Variants in SEMA6D observed in about 807,000 individuals in gnomAD.
SEMA6D encodes semaphorin-6D.
In SEMA6D, 35 loss-of-function variants were observed where a neutral mutation model predicts 106.6. The observed-to-expected ratio is 0.33, with a 90% CI of 0.25 to 0.44. The LOEUF is 0.44. SEMA6D is among the 20% of genes least tolerant of loss of function. The pLI, the probability that SEMA6D is intolerant of heterozygous loss-of-function variation, is 1.00. For missense variants in SEMA6D, 1,185 were observed against 1,345.9 expected, an observed-to-expected ratio of 0.88 and a Z score of 1.87; for synonymous variants, 499 against 487.7, an observed-to-expected ratio of 1.02 and a Z score of -0.31.
chr15:47,630,450 C>CTG (rs1313568914), intron 4 of SEMA6D, among the ~76,000 whole-genome samples: 1 of 151,756 alleles, frequency 6.6e-6, no homozygotes, highest in Non-Finnish European at 1.5e-5. Context: ...TTTTTGTGTC[C>CTG]TGTGACCTTG....
At chr15:47,712,163 A>G (rs74011223) in intron 4 of SEMA6D, among the ~76,000 whole-genome samples, 29,154 of 152,006 alleles carry the variant, frequency 0.19, 2,961 homozygotes, top group Non-Finnish European at 0.23. Context: ...ATGTCCTTAC[A>G]CTGGATTTTA....
At chr15:47,241,258 C>T (rs748999279) in intron 1 of SEMA6D, 4 of 152,068 alleles carry the variant, frequency 2.6e-5, no homozygotes, top group Non-Finnish European at 2.9e-5. Context: ...GTAAGAACCA[C>T]GGAGTGTTAA....
intron 3 of SEMA6D, among the ~76,000 whole-genome samples, chr15:47,502,481 GGAAA>G (rs1375654246): frequency 2.6e-5 from 4 of 152,146 alleles, no homozygotes; most frequent in South Asian, 2.1e-4. Flanking sequence ...GCCACCACAT[GGAAA>G]GAAAGAAAGA....
intron 3 of SEMA6D, among the ~76,000 whole-genome samples, chr15:47,520,385 A>G (rs2044533662): frequency 6.6e-6 from 1 of 152,170 alleles, no homozygotes; most frequent in East Asian, 1.9e-4. Flanking sequence ...CTGTGACACA[A>G]AGTAGTGGTC....
At chr15:47,727,905 A>G (rs1383600918) in intron 1 of SEMA6D, among the ~76,000 whole-genome samples, 1 of 152,224 alleles carries the variant, frequency 6.6e-6, no homozygotes, top group Admixed American at 6.5e-5. Flanking sequence ...GCTTTGCACA[A>G]TTGACTAGAT....
intron 1 of SEMA6D, among the ~76,000 whole-genome samples, chr15:47,381,641 A>C (rs139418645): frequency 2.0e-5 from 3 of 152,310 alleles, no homozygotes; most frequent in Non-Finnish European, 2.9e-5. Context: ...CAATGAAAAT[A>C]TTTTTTAGCA....
At chr15:47,328,145 A>C (rs935355125) in intron 1 of SEMA6D, among the ~76,000 whole-genome samples, 2 of 152,220 alleles carry the variant, frequency 1.3e-5, no homozygotes, top group African/African-American at 4.8e-5. Flanking sequence ...CTGGTAATTC[A>C]GGCACAAAGA....
At chr15:47,420,010 G>A (rs779038284) in intron 2 of SEMA6D, among the ~76,000 whole-genome samples, 1 of 152,108 alleles carries the variant, frequency 6.6e-6, no homozygotes, top group South Asian at 2.1e-4. Context: ...CAAGTTTTGG[G>A]GGTGAGACGG....
chr15:47,705,235 G>GA (rs1463410355), intron 4 of SEMA6D, among the ~76,000 whole-genome samples: 1 of 152,132 alleles, frequency 6.6e-6, no homozygotes, highest in Non-Finnish European at 1.5e-5. Flanking sequence ...ATGGAGAAGG[G>GA]AGGCAGATCA....
Position 47,771,943 on chromosome 15 carries a change from C to G in SEMA6D, c.*158C>G. The G allele has an allele frequency of 1.4e-6, 1 of 690,998 alleles. No homozygotes were observed. The allele number at this position is 690,998 out of a possible 1,614,324, so 42.8% of individuals were successfully genotyped here. On this transcript the variant is annotated 3_prime_UTR_variant, in exon 19 of 19. Coordinates refer to ENST00000536845, the MANE Select transcript of SEMA6D (RefSeq NM_001358351.3). The stretch of plus-strand genomic sequence containing the variant: ...ACTTTGGCAACATCAGAACTTGCCA[C>G]ATGTAGCTACTGCAGCAAGGCTTCT...
intron 1 of SEMA6D, among the ~76,000 whole-genome samples, chr15:47,725,524 G>A (rs977195024): frequency 3.3e-5 from 5 of 151,950 alleles, no homozygotes; most frequent in African/African-American, 7.3e-5. Context: ...TGCCACTAAC[G>A]GTCCCCAGTC....
At chr15:47,615,629 G>A (rs939878372) in intron 4 of SEMA6D, among the ~76,000 whole-genome samples, 11 of 152,148 alleles carry the variant, frequency 7.2e-5, no homozygotes, top group African/African-American at 2.7e-4. Context: ...GAATACCCAA[G>A]GGTCACGAAT....
intron 1 of SEMA6D, among the ~76,000 whole-genome samples, chr15:47,331,603 A>T (rs1444882242): frequency 6.6e-6 from 1 of 152,040 alleles, no homozygotes; most frequent in Non-Finnish European, 1.5e-5. Context: ...GTGGGTGTGG[A>T]GACAGAATTA....
intron 3 of SEMA6D, among the ~76,000 whole-genome samples, chr15:47,484,934 A>G (rs964778428): frequency 6.6e-6 from 1 of 152,206 alleles, no homozygotes; most frequent in Non-Finnish European, 1.5e-5. Context: ...ATTCTAGTTG[A>G]TTGATTTGAA....
At chr15:47,249,298 G>T (rs2033376541) in intron 1 of SEMA6D, among the ~76,000 whole-genome samples, 1 of 152,096 alleles carries the variant, frequency 6.6e-6, no homozygotes, top group South Asian at 2.1e-4. Flanking sequence ...CTTATAGTTG[G>T]CATGCATCAT....
chr15:47,193,337 C>T (rs1240971761), intron 1 of SEMA6D, among the ~76,000 whole-genome samples: 2 of 152,178 alleles, frequency 1.3e-5, no homozygotes, highest in African/African-American at 4.8e-5. Flanking sequence ...TGAGCACAGA[C>T]ATGACACTCA....
At chr15:47,534,175 C>G (rs993599260) in intron 3 of SEMA6D, among the ~76,000 whole-genome samples, 1 of 151,992 alleles carries the variant, frequency 6.6e-6, no homozygotes. Flanking sequence ...AAGAAGGTAT[C>G]TAAGCCAAAA....
At chr15:47,348,611 C>A (rs560510694) in intron 1 of SEMA6D, among the ~76,000 whole-genome samples, 1 of 150,438 alleles carries the variant, frequency 6.6e-6, no homozygotes, top group Admixed American at 6.6e-5. Flanking sequence ...AAGAGAACTT[C>A]AACTGTGAAG....
intron 1 of SEMA6D, among the ~76,000 whole-genome samples, chr15:47,749,595 T>C (rs2081323027): frequency 6.6e-6 from 1 of 152,220 alleles, no homozygotes. Context: ...TCTAAACCTA[T>C]GCTCCGCAGG....
Sources: allele counts gnomAD v4.1 joint callset (sites outside exome capture counted in the v4.1 genomes callset), GRCh38; gene constraint gnomAD v4.1.1; transcripts MANE v1.5; gene names NCBI Gene and HGNC (gene_info 2026-07-23, HGNC 2026-07-21).